ZDHHC14: variants seen among roughly 807,000 people sequenced by gnomAD.
ZDHHC14 encodes palmitoyltransferase ZDHHC14.
In ZDHHC14, 16 loss-of-function variants were observed where a neutral mutation model predicts 47.7. The ratio of observed to expected loss-of-function variants is 0.34; its 90% confidence interval spans 0.23 to 0.51. The LOEUF is 0.51. Ranked by LOEUF, ZDHHC14 falls within the 20% of genes least tolerant of loss-of-function variation. The pLI is 0.97. For synonymous variants in ZDHHC14, 293 were observed against 278.9 expected (o/e 1.05, Z -0.50); for missense variants, 515 against 662.5 (o/e 0.78, Z 2.44).
At chr6:157,461,871 G>T (rs1040849880) in intron 1 of ZDHHC14, among the ~76,000 whole-genome samples, 2 of 152,162 alleles carry the variant, frequency 1.3e-5, no homozygotes, top group Non-Finnish European at 2.9e-5. Flanking sequence ...ACTGGCCTCG[G>T]AGCACCGTGC....
At chr6:157,536,467 A>C (rs909560381) in intron 1 of ZDHHC14, among the ~76,000 whole-genome samples, 2 of 152,156 alleles carry the variant, frequency 1.3e-5, no homozygotes, top group Admixed American at 1.3e-4. Context: ...TCCAAAGGGC[A>C]CTTGGTTTTA....
rs1294975611 is a variant in ZDHHC14 at position 157,542,637 on chromosome 6, A to G, written c.298A>G (p.Ile100Val). Residue 100 changes from isoleucine to valine, a missense_variant, in exon 2 of 9, where the codon ATC (isoleucine) becomes GTC (valine). Ile to Val is a conservative substitution (Grantham distance 29, BLOSUM62 3). Transcript: ENST00000359775. ...CCCTGCCATCCCTGCAGTCGCTGGC[A>G]TCCTGTTCTTCTTTGTGATGGGGAC... ...ITPAIPAVAG[I>V]LFFFVMGTLL... is the part of the protein sequence containing the mutation. 1 of 1,614,118 alleles carries G rather than the reference A, an allele frequency of 6.2e-7. No homozygotes were observed. Among genetic ancestry groups the G allele is most frequent in the Admixed American group, 1.7e-5 (1 of 60,022 alleles).
intron 3 of ZDHHC14, among the ~76,000 whole-genome samples, chr6:157,626,580 C>G (rs1004007509): frequency 2.6e-5 from 4 of 152,096 alleles, no homozygotes; most frequent in Non-Finnish European, 5.9e-5. Flanking sequence ...CCCATCTCCC[C>G]CTCCCCTCCA....
At chr6:157,663,711 G>C (rs1778436721) in intron 8 of ZDHHC14, among the ~76,000 whole-genome samples, 1 of 152,174 alleles carries the variant, frequency 6.6e-6, no homozygotes. Context: ...GCGCTAAACG[G>C]AACATGAGGC....
chr6:157,515,659 G>A (rs1780666905), intron 1 of ZDHHC14, among the ~76,000 whole-genome samples: 1 of 151,548 alleles, frequency 6.6e-6, no homozygotes, highest in African/African-American at 2.4e-5. Flanking sequence ...TAGAGACGGG[G>A]TTTCACCGTG....
intron 1 of ZDHHC14, among the ~76,000 whole-genome samples, chr6:157,466,400 G>A (rs1038543813): frequency 1.9e-4 from 29 of 152,330 alleles, no homozygotes; most frequent in Admixed American, 1.9e-3. Flanking sequence ...GATTCCCAGG[G>A]TTTAGGACTG....
At chr6:157,603,921 T>C (rs1784433119) in intron 3 of ZDHHC14, among the ~76,000 whole-genome samples, 1 of 152,144 alleles carries the variant, frequency 6.6e-6, no homozygotes, top group Non-Finnish European at 1.5e-5. Context: ...GCACGCCACC[T>C]CAAGAGGGAG....
chr6:157,399,378 A>T (rs937104826), intron 1 of ZDHHC14, among the ~76,000 whole-genome samples: 1 of 152,186 alleles, frequency 6.6e-6, no homozygotes, highest in East Asian at 1.9e-4. Context: ...AAGTGTTCGA[A>T]TAAGCACCAT....
chr6:157,548,655 AG>A, intron 2 of ZDHHC14, among the ~76,000 whole-genome samples: 1 of 152,326 alleles, frequency 6.6e-6, no homozygotes, highest in East Asian at 1.9e-4. Context: ...TGTGTTGGTC[AG>A]GCTGGTCTCG....
intron 1 of ZDHHC14, among the ~76,000 whole-genome samples, chr6:157,414,959 A>G (rs527854191): frequency 6.6e-6 from 1 of 151,368 alleles, no homozygotes; most frequent in Admixed American, 6.6e-5. Context: ...CGTAACTCTC[A>G]TACCTTTGTT....
rs548465553 is a variant in ZDHHC14 at position 157,429,385 on chromosome 6, AT to A, written c.245+47122del. 5.9e-5 allele frequency among the ~76,000 whole-genome samples: 9 copies of A among 152,322 alleles called. No individual in the cohort carries two copies. The South Asian group carries it at 1.7e-3, about 28-fold the overall frequency. Reference sequence around the variant, plus strand: ...TTAGTAGACTGTGATATAAAAATGAATTTATTGCTGTGGTTAATGGTCCAAA... The same window carrying A: ...TTAGTAGACTGTGATATAAAAATGAATTATTGCTGTGGTTAATGGTCCAAA... On this transcript the variant is annotated intron_variant, in intron 1 of 8. Transcript: ENST00000359775.
intron 8 of ZDHHC14, among the ~76,000 whole-genome samples, chr6:157,656,706 C>CA (rs755645927): frequency 0.025 from 3,225 of 129,066 alleles, 62 homozygotes; most frequent in Non-Finnish European, 0.034. Flanking sequence ...TTGAAGATAC[C>CA]AAAAAAAAAA....
intron 1 of ZDHHC14, among the ~76,000 whole-genome samples, chr6:157,538,308 C>T (rs962596269): frequency 6.6e-6 from 1 of 152,180 alleles, no homozygotes; most frequent in Admixed American, 6.5e-5. Context: ...AATATCCTGT[C>T]CTCTCAGCTG....
intron 1 of ZDHHC14, among the ~76,000 whole-genome samples, chr6:157,476,681 A>G (rs146083352): frequency 6.6e-6 from 1 of 152,374 alleles, no homozygotes; most frequent in East Asian, 1.9e-4. Context: ...ACTGAATTTA[A>G]CAACACATCA....
At chr6:157,567,216 C>T (rs1582952550) in intron 2 of ZDHHC14, among the ~76,000 whole-genome samples, 1 of 152,082 alleles carries the variant, frequency 6.6e-6, no homozygotes, top group Admixed American at 6.6e-5. Context: ...CCAAAACTGT[C>T]TTGTCAAGCT....
chr6:157,387,176 C>T (rs1777328223), intron 1 of ZDHHC14, among the ~76,000 whole-genome samples: 1 of 152,142 alleles, frequency 6.6e-6, no homozygotes, highest in African/African-American at 2.4e-5. Flanking sequence ...CTTTCTTTCT[C>T]TCTTTTCCTC....
At position 157,630,495 on chromosome 6, in the gene ZDHHC14, C is replaced by G. The variant is rs112397557; in HGVS notation, c.703+2009C>G. Reference sequence around the variant, plus strand: ...CACACTCATTCTAGCCACACTCACACTCATATATACTCACCAATACGCTCA... The same window carrying G: ...CACACTCATTCTAGCCACACTCACAGTCATATATACTCACCAATACGCTCA... On this transcript the variant is annotated intron_variant, in intron 4 of 8. Transcript: ENST00000359775. 898 of 152,026 alleles carry G rather than the reference C, an allele frequency of 5.9e-3. 8 individuals carry two copies. Among genetic ancestry groups the G allele is most frequent in the South Asian group, 0.022 (105 of 4,792 alleles). The allele number at this position is 152,026 out of a possible 1,614,324, so 9.4% of individuals were successfully genotyped here.
intron 3 of ZDHHC14, among the ~76,000 whole-genome samples, chr6:157,599,537 G>T (rs1163311649): frequency 2.6e-5 from 4 of 152,206 alleles, no homozygotes; most frequent in Non-Finnish European, 5.9e-5. Context: ...GGAGGATGGG[G>T]CCCTGCCTCC....
At chr6:157,607,686 C>T (rs1339198017) in intron 3 of ZDHHC14, among the ~76,000 whole-genome samples, 2 of 152,154 alleles carry the variant, frequency 1.3e-5, no homozygotes, top group Non-Finnish European at 2.9e-5. Context: ...GCTGTTTAAA[C>T]GTTGGAGAGC....
Sources: allele counts gnomAD v4.1 joint callset (sites outside exome capture counted in the v4.1 genomes callset), GRCh38; gene constraint gnomAD v4.1.1; transcripts MANE v1.5; gene names NCBI Gene and HGNC (gene_info 2026-07-23, HGNC 2026-07-21).